Variants in CSMD1 observed in about 807,000 individuals in gnomAD.
The protein encoded by CSMD1 is CUB and Sushi multiple domains 1.
CSMD1 carries 213 observed loss-of-function variants against 417.5 expected under a neutral mutation model. The observed-to-expected ratio is 0.51, with a 90% confidence interval of 0.46 to 0.57. The LOEUF (loss-of-function observed/expected upper bound fraction) is 0.57. CSMD1 is among the 20% of genes least tolerant of loss of function. CSMD1 has a pLI of 0.00. For synonymous variants in CSMD1, 2,862 were observed against 1,736.8 expected (o/e 1.65, Z -16.11); for missense variants, 6,923 against 4,529.7 (o/e 1.53, Z -15.17).
At chr8:4,396,316 A>C (rs1804208285) in intron 3 of CSMD1, among the ~76,000 whole-genome samples, 1 of 151,858 alleles carries the variant, frequency 6.6e-6, no homozygotes, top group Non-Finnish European at 1.5e-5. Context: ...AAAAAAAAAA[A>C]AATAGCCAGG....
At chr8:4,509,761 C>A (rs915353941) in intron 2 of CSMD1, among the ~76,000 whole-genome samples, 1 of 152,108 alleles carries the variant, frequency 6.6e-6, no homozygotes. Context: ...TTAGTTGTCA[C>A]ACACACTAAA....
chr8:4,788,413 T>G (rs557552402), intron 1 of CSMD1: 1 of 1,335,304 alleles, frequency 7.5e-7, no homozygotes, highest in Admixed American at 1.8e-5. Context: ...TCTCTTTGAC[T>G]ACCCAGGGTC....
intron 1 of CSMD1, among the ~76,000 whole-genome samples, chr8:4,828,299 A>C (rs1799949463): frequency 6.6e-6 from 1 of 152,198 alleles, no homozygotes. Flanking sequence ...AAATTATGTC[A>C]ACAAATGTGC....
intron 11 of CSMD1, among the ~76,000 whole-genome samples, chr8:3,485,762 AAAAAT>A (rs66605905): frequency 0.078 from 8,602 of 110,642 alleles, 575 homozygotes; most frequent in African/African-American, 0.14. Flanking sequence ...TCAGCCTCAA[AAAAAT>A]AAAATAAAAT....
chr8:4,566,117 A>G (rs995216658), intron 2 of CSMD1, among the ~76,000 whole-genome samples: 2 of 152,134 alleles, frequency 1.3e-5, no homozygotes, highest in Non-Finnish European at 2.9e-5. Flanking sequence ...CTTTCCAGGA[A>G]TATACATCAC....
chr8:4,396,485 T>A (rs985963005), intron 3 of CSMD1, among the ~76,000 whole-genome samples: 1 of 152,004 alleles, frequency 6.6e-6, no homozygotes, highest in Non-Finnish European at 1.5e-5. Flanking sequence ...GCAATGGGAA[T>A]TGCACTGGAT....
In CSMD1 at chr8:4,065,020, T is replaced by A. The variant is rs187985567; in HGVS notation, c.416-32921A>T. On this transcript the variant is annotated intron_variant, in intron 3 of 69. Coordinates refer to ENST00000635120, the MANE Select transcript of CSMD1 (RefSeq NM_033225.6). The stretch of plus-strand genomic sequence containing the variant: ...CAAATCCACTTAAGTTGTTCATTTT[T>A]AAAAAAAATCTGAAATGATTAAAAT... 3.0e-4 allele frequency among the ~76,000 whole-genome samples: 45 copies of A among 152,190 alleles called. No homozygotes were observed. The East Asian group carries it at 6.4e-3, about 22-fold the overall frequency.
intron 49 of CSMD1, 102 bp downstream of exon 49, chr8:3,086,995 T>G: frequency 9.2e-7 from 1 of 1,084,816 alleles, no homozygotes; most frequent in Non-Finnish European, 1.3e-6. Flanking sequence ...CAATTTTTCC[T>G]TACCTTTTAT....
At chr8:4,079,284 G>C (rs1014433762) in intron 3 of CSMD1, among the ~76,000 whole-genome samples, 3 of 152,132 alleles carry the variant, frequency 2.0e-5, no homozygotes, top group African/African-American at 4.8e-5. Context: ...ATCAAGTACT[G>C]TACCATGAGC....
intron 50 of CSMD1, among the ~76,000 whole-genome samples, chr8:3,046,686 T>C (rs530984068): frequency 1.3e-5 from 2 of 152,050 alleles, no homozygotes; most frequent in Non-Finnish European, 2.9e-5. Flanking sequence ...AGCACCGGTG[T>C]CTAATCAAAT....
chr8:4,391,192 C>A (rs1000616197), intron 3 of CSMD1, among the ~76,000 whole-genome samples: 1 of 152,144 alleles, frequency 6.6e-6, no homozygotes, highest in African/African-American at 2.4e-5. Flanking sequence ...AAGCTGTTTC[C>A]TGAAAAGTTG....
chr8:2,988,207 T>C (rs1195330243), intron 54 of CSMD1, among the ~76,000 whole-genome samples: 1 of 152,190 alleles, frequency 6.6e-6, no homozygotes, highest in East Asian at 1.9e-4. Flanking sequence ...GAAGTTTTTG[T>C]GGTTGTTTCC....
intron 26 of CSMD1, among the ~76,000 whole-genome samples, chr8:3,250,283 C>T (rs534587653): frequency 2.9e-4 from 44 of 152,280 alleles, no homozygotes; most frequent in African/African-American, 1.1e-3. Flanking sequence ...TGTTCAATTC[C>T]CACCTATGAG....
Position 3,911,886 on chromosome 8 carries a change from G to A in CSMD1, c.818+86017C>T, listed in dbSNP as rs75331599. Among the ~76,000 whole-genome samples, 270 of 152,120 alleles carry A rather than the reference G, an allele frequency of 1.8e-3. 2 individuals carry two copies. The highest frequency in any genetic ancestry group is 6.1e-3 in the African/African-American group (254 of 41,474). Reference sequence around the variant, plus strand: ...ATCTGTGTTCCATCTTCTTACCTCCGTTATCTTTTCTCACCATCATTTTCC... The same window carrying A: ...ATCTGTGTTCCATCTTCTTACCTCCATTATCTTTTCTCACCATCATTTTCC... On this transcript the variant is annotated intron_variant, in intron 5 of 69. Coordinates refer to ENST00000635120, the MANE Select transcript of CSMD1 (RefSeq NM_033225.6).
intron 3 of CSMD1, among the ~76,000 whole-genome samples, chr8:4,106,960 A>G (rs1801600301): frequency 6.6e-6 from 1 of 152,214 alleles, no homozygotes; most frequent in African/African-American, 2.4e-5. Context: ...CACAGGGAGA[A>G]GCTCTACGTC....
chr8:3,566,329 G>A (rs1799706657), intron 10 of CSMD1, among the ~76,000 whole-genome samples: 1 of 152,110 alleles, frequency 6.6e-6, no homozygotes, highest in Non-Finnish European at 1.5e-5. Flanking sequence ...GCTTTAAATC[G>A]ATTACATATT....
intron 3 of CSMD1, among the ~76,000 whole-genome samples, chr8:4,361,871 C>G (rs986731421): frequency 1.3e-5 from 2 of 152,118 alleles, no homozygotes; most frequent in African/African-American, 4.8e-5. Context: ...AGAAGAATTG[C>G]TTGAACCCGG....
At chr8:4,850,690 C>G (rs185867836) in intron 1 of CSMD1, among the ~76,000 whole-genome samples, 4 of 152,178 alleles carry the variant, frequency 2.6e-5, no homozygotes, top group African/African-American at 9.6e-5. Context: ...GTCTCTCTCT[C>G]TCTCTGGATG....
intron 3 of CSMD1, among the ~76,000 whole-genome samples, chr8:4,273,005 C>T (rs1804699551): frequency 6.6e-6 from 1 of 152,130 alleles, no homozygotes; most frequent in African/African-American, 2.4e-5. Context: ...GCTATTGCGT[C>T]ATGTACCTGA....
Sources: gnomAD v4.1 joint callset for allele counts (sites outside exome capture counted in the v4.1 genomes callset) on GRCh38, gnomAD v4.1.1 for gene constraint, MANE v1.5 for transcripts, NCBI Gene and HGNC (gene_info 2026-07-23, HGNC 2026-07-21) for gene names.